Variants in SLC24A3 observed in about 807,000 individuals in gnomAD.
SLC24A3 encodes sodium/potassium/calcium exchanger 3.
SLC24A3 carries 28 observed loss-of-function variants against 75.8 expected under a neutral mutation model. That is an observed-to-expected ratio of 0.37 (90% CI 0.27 to 0.51). SLC24A3 has a LOEUF of 0.51. SLC24A3 is among the 20% of genes least tolerant of loss of function. The pLI is 0.94. For missense variants in SLC24A3, 663 were observed against 847.8 expected (o/e 0.78, Z 2.71); for synonymous variants, 372 against 334.1 (o/e 1.11, Z -1.24).
intron 10 of SLC24A3, among the ~76,000 whole-genome samples, chr20:19,682,820 A>G (rs2032630446): frequency 6.6e-6 from 1 of 152,232 alleles, no homozygotes; most frequent in Non-Finnish European, 1.5e-5. Flanking sequence ...TTCCTCTTCA[A>G]AGTAATTCTT....
chr20:19,452,099 C>T (rs762816523), intron 2 of SLC24A3, among the ~76,000 whole-genome samples: 5 of 152,212 alleles, frequency 3.3e-5, no homozygotes, highest in Admixed American at 1.3e-4. Context: ...TCCTGGGAAA[C>T]GTTGCGTGTG....
intron 2 of SLC24A3, among the ~76,000 whole-genome samples, chr20:19,373,930 C>T (rs1251473261): frequency 6.6e-6 from 1 of 152,128 alleles, no homozygotes; most frequent in Admixed American, 6.5e-5. Flanking sequence ...AGGTTAATCA[C>T]AGCTTCTTTC....
At chr20:19,690,192 A>G (rs1405499510) in intron 12 of SLC24A3, among the ~76,000 whole-genome samples, 1 of 152,144 alleles carries the variant, frequency 6.6e-6, no homozygotes, top group Non-Finnish European at 1.5e-5. Flanking sequence ...TGCTCATTGA[A>G]TTTCTGCTTT....
intron 15 of SLC24A3, among the ~76,000 whole-genome samples, chr20:19,708,479 T>C (rs1012444443): frequency 6.6e-6 from 1 of 152,138 alleles, no homozygotes; most frequent in Admixed American, 6.5e-5. Flanking sequence ...CTAGAACCAG[T>C]CTTCCCTTTT....
At chr20:19,436,775 G>C (rs1482839117) in intron 2 of SLC24A3, among the ~76,000 whole-genome samples, 1 of 152,110 alleles carries the variant, frequency 6.6e-6, no homozygotes, top group Non-Finnish European at 1.5e-5. Context: ...GGCTCTGATT[G>C]GTTACAGCTG....
chr20:19,662,744 G>A (rs2032343758), intron 7 of SLC24A3, among the ~76,000 whole-genome samples: 2 of 152,214 alleles, frequency 1.3e-5, no homozygotes, highest in South Asian at 2.1e-4. Context: ...AGAGGGATAC[G>A]CAACACGTGT....
At chr20:19,224,566 G>A (rs1444674522) in intron 1 of SLC24A3, among the ~76,000 whole-genome samples, 2 of 152,094 alleles carry the variant, frequency 1.3e-5, no homozygotes, top group Non-Finnish European at 1.5e-5. Flanking sequence ...TCTGTCATTT[G>A]CACAATATTT....
intron 3 of SLC24A3, among the ~76,000 whole-genome samples, chr20:19,563,373 C>T (rs1183517635): frequency 6.6e-6 from 1 of 152,036 alleles, no homozygotes; most frequent in Admixed American, 6.5e-5. Flanking sequence ...GAGAAACATA[C>T]AAAAGAAACT....
chr20:19,632,177 C>T (rs1281465128), intron 6 of SLC24A3, among the ~76,000 whole-genome samples: 2 of 152,104 alleles, frequency 1.3e-5, no homozygotes, highest in African/African-American at 4.8e-5. Flanking sequence ...TAGCTGGAGT[C>T]GGCAGCACCT....
At chr20:19,357,760 C>T (rs1417451173) in intron 2 of SLC24A3, among the ~76,000 whole-genome samples, 12 of 152,210 alleles carry the variant, frequency 7.9e-5, no homozygotes, top group Admixed American at 7.9e-4. Flanking sequence ...GCCCTTGCCT[C>T]TTGGGTGAGA....
At chr20:19,567,937 C>CAA (rs2030986736) in intron 3 of SLC24A3, among the ~76,000 whole-genome samples, 1 of 151,918 alleles carries the variant, frequency 6.6e-6, no homozygotes, top group South Asian at 2.1e-4. Flanking sequence ...AGCCAACAAC[C>CAA]AAAAAACAAA....
chr20:19,276,682 A>T (rs1233807383), intron 1 of SLC24A3, among the ~76,000 whole-genome samples: 1 of 152,114 alleles, frequency 6.6e-6, no homozygotes, highest in East Asian at 1.9e-4. Context: ...AGGTGGGAGG[A>T]TCACTTGAGG....
chr20:19,691,334 A>G (rs1028384857), intron 12 of SLC24A3, among the ~76,000 whole-genome samples: 2 of 152,214 alleles, frequency 1.3e-5, no homozygotes, highest in African/African-American at 2.4e-5. Context: ...CTGCGAGGGC[A>G]AAGTCCTTGA....
At chr20:19,677,293 CA>C (rs5840854) in intron 9 of SLC24A3, among the ~76,000 whole-genome samples, 354 of 102,540 alleles carry the variant, frequency 3.5e-3, no homozygotes, top group Middle Eastern at 0.013. Context: ...GACCCCGTTC[CA>C]AAAAAAAAAA....
At position 19,678,468 on chromosome 20, in the gene SLC24A3, A is replaced by AC. The variant is rs1173062500; in HGVS notation, c.768-3384dup. Among the ~76,000 whole-genome samples the AC allele has an allele frequency of 3.9e-5, 4 of 102,730 alleles. No individual in the cohort carries two copies. In the South Asian group the frequency reaches 9.5e-4, roughly 24 times the overall value. 67.4% of individuals were successfully genotyped at this position (102,730 alleles called of 152,430 possible). ...GGGCGGCTGGCCGGGCGGGGGGCTG[A>AC]CCCCCCACCTCCCTCCCGGACGGGG... is the stretch of plus-strand genomic sequence containing the variant. On this transcript the variant is annotated intron_variant, in intron 9 of 16. Coordinates refer to ENST00000328041, the MANE Select transcript of SLC24A3 (RefSeq NM_020689.4).
At chr20:19,266,277 C>T (rs1389061337) in intron 1 of SLC24A3, among the ~76,000 whole-genome samples, 2 of 152,192 alleles carry the variant, frequency 1.3e-5, no homozygotes, top group Non-Finnish European at 2.9e-5. Flanking sequence ...GCAGATGAAA[C>T]GTGCTTTCTC....
intron 2 of SLC24A3, among the ~76,000 whole-genome samples, chr20:19,419,528 G>T (rs1986881736): frequency 6.6e-6 from 1 of 152,150 alleles, no homozygotes. Flanking sequence ...AAAATTTCCT[G>T]AATCTCTGCC....
At position 19,500,950 on chromosome 20, in the gene SLC24A3, C is replaced by T. The variant is rs1447266536; in HGVS notation, c.272-14538C>T. Among the ~76,000 whole-genome samples, 4 of 152,330 alleles carry T rather than the reference C, an allele frequency of 2.6e-5. No individual in the cohort carries two copies. In the East Asian group the frequency reaches 7.7e-4, roughly 29 times the overall value. ...GACATCATGACCAAGGTTATTACATCAGAGTGGATGTTGCTACCACTACCT... is the reference window on the plus strand; with the variant it reads ...GACATCATGACCAAGGTTATTACATTAGAGTGGATGTTGCTACCACTACCT... On this transcript the variant is annotated intron_variant, in intron 2 of 16. Transcript: ENST00000328041.
chr20:19,602,438 G>A (rs1232206606), intron 6 of SLC24A3, among the ~76,000 whole-genome samples: 2 of 151,966 alleles, frequency 1.3e-5, no homozygotes, highest in Non-Finnish European at 2.9e-5. Context: ...ATAAAGATAT[G>A]ACTTCAGAAA....
Sources: allele counts gnomAD v4.1 joint callset (sites outside exome capture counted in the v4.1 genomes callset), GRCh38; gene constraint gnomAD v4.1.1; transcripts MANE v1.5; gene names NCBI Gene and HGNC (gene_info 2026-07-23, HGNC 2026-07-21).